GLIS3: variants seen among roughly 807,000 people sequenced by gnomAD.
GLIS3 encodes the protein GLIS family zinc finger 3, also known as zinc finger protein GLIS3.
GLIS3 carries 53 observed loss-of-function variants against 78.6 expected under a neutral mutation model. The ratio of observed to expected loss-of-function variants is 0.67; its 90% CI spans 0.54 to 0.85. GLIS3 has a LOEUF of 0.85. Among genes scored for constraint, GLIS3 ranks in the 40% least tolerant of loss-of-function variants. The probability of loss-of-function intolerance (pLI) is 0.00; values close to 1 mark genes in which losing one functional copy is unlikely to be tolerated. For synonymous variants in GLIS3, 684 were observed against 509.9 expected, an observed-to-expected ratio of 1.34 and a Z score of -4.60; for missense variants, 1,703 against 1,231.1, an observed-to-expected ratio of 1.38 and a Z score of -5.74.
In GLIS3 at chr9:4,118,014, G is replaced by A. The variant is rs377094207; in HGVS notation, c.1464C>T (p.Asp488=). ...CGATGCCGTCCATCTCCCCGTCGTC[G>A]TCCAGGGTGGCCTGGGGCAAGGCCA... ...QQLALPQATL[D]DDGEMDGIGG... The change falls in exon 4 of 11, where the codon GAC becomes GAT. Residue 488 remains aspartate (D), a synonymous_variant. Transcript: ENST00000381971. This position sits in a 1 kb window ranked among gnomAD's most constrained non-coding sequence, Gnocchi z 4.7. 8.7e-6 allele frequency: 14 copies of A among 1,606,050 alleles called. No individual in the cohort carries two copies. Among genetic ancestry groups the A allele is most frequent in the African/African-American group, 2.7e-5 (2 of 74,798 alleles).
At chr9:4,182,077 T>C (rs960299243) in intron 2 of GLIS3, among the ~76,000 whole-genome samples, 7 of 152,228 alleles carry the variant, frequency 4.6e-5, no homozygotes, top group African/African-American at 1.4e-4. Flanking sequence ...TACACCTATG[T>C]TGAGCTATTA....
At chr9:4,003,002 C>G (rs1004510607) in intron 4 of GLIS3, among the ~76,000 whole-genome samples, 1 of 152,156 alleles carries the variant, frequency 6.6e-6, no homozygotes, top group Non-Finnish European at 1.5e-5. Context: ...TTTGTGAGAA[C>G]AATATTTGTT....
chr9:3,924,726 T>C (rs1388666134), intron 6 of GLIS3, among the ~76,000 whole-genome samples: 2 of 152,170 alleles, frequency 1.3e-5, no homozygotes, highest in African/African-American at 4.8e-5. Flanking sequence ...ATGAATACTT[T>C]GGTGGGGATG....
intron 2 of GLIS3, among the ~76,000 whole-genome samples, chr9:4,334,074 G>C (rs769041670): frequency 3.3e-5 from 5 of 152,152 alleles, no homozygotes; most frequent in Non-Finnish European, 5.9e-5. Flanking sequence ...AATTCAGAGG[G>C]CTTGAATTTG....
the GLIS3 span, among the ~76,000 whole-genome samples, chr9:4,477,113 C>G: frequency 2.0e-5 from 3 of 152,028 alleles, no homozygotes; most frequent in Non-Finnish European, 4.4e-5. Context: ...ACTTGTACGT[C>G]CATATTCACA....
intron 4 of GLIS3, among the ~76,000 whole-genome samples, chr9:4,046,901 G>C (rs1450947290): frequency 6.6e-6 from 1 of 152,204 alleles, no homozygotes; most frequent in Non-Finnish European, 1.5e-5. Flanking sequence ...GATGAAAGCT[G>C]TAAAGGATAT....
At chr9:4,138,555 G>A (rs868570566) in intron 2 of GLIS3, among the ~76,000 whole-genome samples, 30 of 152,154 alleles carry the variant, frequency 2.0e-4, no homozygotes, top group African/African-American at 6.8e-4. Context: ...AGAGTTGGAT[G>A]GCCAAAATGA....
At chr9:4,331,444 G>T (rs1817684947) in intron 2 of GLIS3, among the ~76,000 whole-genome samples, 2 of 152,180 alleles carry the variant, frequency 1.3e-5, no homozygotes, top group South Asian at 2.1e-4. Flanking sequence ...ATTTCGGGGG[G>T]ACACTATTCA....
At chr9:3,834,981 G>T (rs1448137629) in intron 9 of GLIS3, among the ~76,000 whole-genome samples, 1 of 152,136 alleles carries the variant, frequency 6.6e-6, no homozygotes, top group African/African-American at 2.4e-5. Context: ...GCCCTTGTGG[G>T]TCTCCATTTA....
chr9:3,948,980 G>A (rs1248259078), intron 4 of GLIS3, among the ~76,000 whole-genome samples: 2 of 152,158 alleles, frequency 1.3e-5, no homozygotes, highest in African/African-American at 2.4e-5. Context: ...AGGAAATTGA[G>A]ACATAGAGAG....
At chr9:3,855,635 T>G in intron 9 of GLIS3, 1 of 334,194 alleles carries the variant, frequency 3.0e-6, no homozygotes. Flanking sequence ...TGTGGACCTA[T>G]GAGAATGAGA....
intron 7 of GLIS3, among the ~76,000 whole-genome samples, chr9:3,894,781 T>C (rs1351784908): frequency 6.6e-6 from 1 of 152,188 alleles, no homozygotes; most frequent in Non-Finnish European, 1.5e-5. Context: ...CAACAGGAAT[T>C]GTAAGCTCTA....
chr9:4,158,251 C>T (rs897145322), intron 2 of GLIS3, among the ~76,000 whole-genome samples: 4 of 152,200 alleles, frequency 2.6e-5, no homozygotes, highest in Non-Finnish European at 5.9e-5. Context: ...ATTGGAAAGA[C>T]GAGCTTTTAG....
At chr9:4,114,518 A>C (rs959375062) in intron 4 of GLIS3, among the ~76,000 whole-genome samples, 8 of 152,222 alleles carry the variant, frequency 5.3e-5, no homozygotes, top group Admixed American at 2.6e-4. Flanking sequence ...ATAATGCTCA[A>C]ATATTTTGAT....
At chr9:4,265,494 T>C (rs1825912616) in intron 2 of GLIS3, among the ~76,000 whole-genome samples, 1 of 152,076 alleles carries the variant, frequency 6.6e-6, no homozygotes, top group Non-Finnish European at 1.5e-5. Context: ...CCTTAGCCAC[T>C]ATGCTGTGCT....
chr9:4,167,037 A>C (rs367614593), intron 2 of GLIS3, among the ~76,000 whole-genome samples: 2 of 151,976 alleles, frequency 1.3e-5, no homozygotes, highest in African/African-American at 4.8e-5. Context: ...AGACGAACAA[A>C]ACATTGACGC....
chr9:4,320,600 G>C (rs1817509767), intron 2 of GLIS3, among the ~76,000 whole-genome samples: 1 of 151,724 alleles, frequency 6.6e-6, no homozygotes. Context: ...ATCATCACCA[G>C]CACTACCAAT....
chr9:4,092,314 G>C (rs558677813), intron 4 of GLIS3, among the ~76,000 whole-genome samples: 2 of 151,776 alleles, frequency 1.3e-5, no homozygotes, highest in South Asian at 4.2e-4. Context: ...ACCATGCCTG[G>C]CTCATTTTTT....
chr9:4,291,969 G>A (rs1816018766), intron 1 of GLIS3, among the ~76,000 whole-genome samples: 1 of 152,070 alleles, frequency 6.6e-6, no homozygotes, highest in Non-Finnish European at 1.5e-5. Context: ...GAGAGCCATG[G>A]TCCTACCAAA....
Sources: allele counts gnomAD v4.1 joint callset (sites outside exome capture counted in the v4.1 genomes callset), GRCh38; gene constraint gnomAD v4.1.1; non-coding constraint Gnocchi (gnomAD v3.1); transcripts MANE v1.5; gene names NCBI Gene and HGNC (gene_info 2026-07-23, HGNC 2026-07-21).